ZNF680: variants seen among roughly 807,000 people sequenced by gnomAD.
ZNF680 encodes the protein zinc finger protein 680.
A neutral mutation model predicts 12.1 loss-of-function variants in ZNF680; 6 were observed. The observed-to-expected ratio is 0.49, with a 90% CI of 0.27 to 0.98. ZNF680 has a LOEUF of 0.98. ZNF680 is among the 50% of genes least tolerant of loss of function. ZNF680 has a pLI of 0.12. For synonymous variants in ZNF680, 170 were observed against 199.3 expected, an observed-to-expected ratio of 0.85 and a Z score of 1.24; for missense variants, 561 against 616.3, an observed-to-expected ratio of 0.91 and a Z score of 0.95.
chr7:64,521,083 T>A lies in ZNF680; in HGVS notation c.*78A>T, dbSNP rs577738223. 11 of 1,410,454 alleles carry A rather than the reference T, an allele frequency of 7.8e-6. No homozygotes were observed. The South Asian group carries it at 1.4e-4, about 18-fold the overall frequency. The allele number at this position is 1,410,454 out of a possible 1,614,324, so 87.4% of individuals were successfully genotyped here. A position where few individuals can be genotyped will look rare whatever the true frequency, so the allele number is the denominator to read the frequency against. On this transcript the variant is annotated 3_prime_UTR_variant, in exon 4 of 4. Coordinates refer to ENST00000309683, the MANE Select transcript of ZNF680 (RefSeq NM_178558.5). The stretch of plus-strand genomic sequence containing the variant: ...TCTTACCTACAAGCAAGTGTAACAA[T>A]CATTGGAAGGCTTTGTCAAATTCTT...
downstream of ZNF680, among the ~76,000 whole-genome samples, chr7:64,519,293 C>T (rs1791419340): frequency 6.6e-6 from 1 of 151,630 alleles, no homozygotes; most frequent in South Asian, 2.1e-4. Flanking sequence ...AATATGATAC[C>T]ACCTCACTCC....
intron 3 of ZNF680, among the ~76,000 whole-genome samples, chr7:64,539,267 G>C (rs1157725155): frequency 7.1e-6 from 1 of 141,838 alleles, no homozygotes; most frequent in Non-Finnish European, 1.5e-5. Flanking sequence ...TGAGGGAGGA[G>C]AATTGTTTGA....
In ZNF680 at chr7:64,522,438, T is replaced by C; in HGVS notation, c.316A>G (p.Lys106Glu). The change falls in exon 4 of 4, where the codon AAA becomes GAA. Residue 106 changes from lysine (K) to glutamate (E), a missense_variant. Transcript: ENST00000309683. ...PEHSIKDSFQ[K>E]VILRGYGKCG... ...TTTCCATATCCTCTCAGTATCACTT[T>C]TTGAAAAGAATCTTTTATGCTATGC... 1 of 1,600,344 alleles carries C rather than the reference T, an allele frequency of 6.2e-7. No homozygotes were observed. The highest frequency in any genetic ancestry group is 8.5e-7 in the Non-Finnish European group (1 of 1,174,864).
At chr7:64,514,684 A>G in the ZNF680 span, among the ~76,000 whole-genome samples, 2 of 152,196 alleles carry the variant, frequency 1.3e-5, no homozygotes, top group Non-Finnish European at 2.9e-5. Context: ...CAAGCAAAAC[A>G]AAAGTTAACA....
At chr7:64,515,519 C>T (rs1345115328), downstream of ZNF680, among the ~76,000 whole-genome samples, 3 of 152,052 alleles carry the variant, frequency 2.0e-5, no homozygotes, top group Admixed American at 1.3e-4. Flanking sequence ...TGAAAAGTCC[C>T]CAGCCCATGA....
chr7:64,501,997 C>CTTTTTTTTTT, the ZNF680 span, among the ~76,000 whole-genome samples: 9 of 104,508 alleles, frequency 8.6e-5, 1 homozygote, highest in African/African-American at 1.5e-4. Context: ...GGACGTATTT[C>CTTTTTTTTTT]TTTTTTTTTT....
At chr7:64,508,147 A>ATACAT in the ZNF680 span, among the ~76,000 whole-genome samples, 1 of 135,390 alleles carries the variant, frequency 7.4e-6, no homozygotes, top group Non-Finnish European at 1.5e-5. Context: ...ATATATACAT[A>ATACAT]ATTTTTTTTT....
intron 1 of ZNF680, among the ~76,000 whole-genome samples, chr7:64,548,850 C>T (rs1303504195): frequency 1.3e-5 from 2 of 152,002 alleles, no homozygotes; most frequent in Non-Finnish European, 2.9e-5. Flanking sequence ...TGGCCGGGCG[C>T]GGTGGCTCAT....
intron 3 of ZNF680, among the ~76,000 whole-genome samples, chr7:64,541,323 G>C (rs1038052215): frequency 6.6e-6 from 1 of 152,178 alleles, no homozygotes; most frequent in Non-Finnish European, 1.5e-5. Context: ...AAAATGTATA[G>C]GGAGAGTGAC....
chr7:64,521,876 G>T lies in ZNF680; in HGVS notation c.878C>A (p.Pro293His), dbSNP rs757072567. 3 of 1,613,270 alleles carry T rather than the reference G, an allele frequency of 1.9e-6. No homozygotes were observed. Among genetic ancestry groups the T allele is most frequent in the Admixed American group, 1.7e-5 (1 of 59,952 alleles). ...KHKIIHTGDK[P>H]YKCDECHKAF... is the part of the protein sequence containing the mutation. ...TTTGTGACATTCATCACATTTGTAA[G>T]GTTTGTCTCCAGTATGAATTATCTT... Residue 293 changes from proline (P) to histidine (H), a missense_variant, in exon 4 of 4, where the codon CCT (proline) becomes CAT (histidine). Physicochemically the swap from Pro to His is moderately conservative, Grantham distance 77 (BLOSUM62 -2). Transcript: ENST00000309683.
chr7:64,551,503 A>C (rs1787074783), intron 1 of ZNF680: 1 of 160,172 alleles, frequency 6.2e-6, no homozygotes, highest in Admixed American at 6.5e-5. Context: ...CACATCAGAG[A>C]GTGAAGCCTG....
intron 3 of ZNF680, among the ~76,000 whole-genome samples, chr7:64,541,382 C>A (rs1187419282): frequency 6.6e-6 from 1 of 152,034 alleles, no homozygotes; most frequent in African/African-American, 2.4e-5. Context: ...TATCATCCCA[C>A]AGCAAGAAAA....
the ZNF680 span, among the ~76,000 whole-genome samples, chr7:64,504,670 C>T: frequency 2.0e-5 from 3 of 152,164 alleles, no homozygotes; most frequent in African/African-American, 7.2e-5. Context: ...CTGAGTCACT[C>T]AGAAAAAACT....
chr7:64,513,968 A>G, the ZNF680 span, among the ~76,000 whole-genome samples: 3 of 152,178 alleles, frequency 2.0e-5, no homozygotes, highest in African/African-American at 4.8e-5. Flanking sequence ...TGTAATAATA[A>G]GAGCTAGTAA....
intron 3 of ZNF680, among the ~76,000 whole-genome samples, chr7:64,535,696 C>A (rs1250963352): frequency 1.3e-5 from 2 of 152,042 alleles, no homozygotes; most frequent in East Asian, 1.9e-4. Flanking sequence ...GTAATCCCAG[C>A]ACTTTGGGAG....
chr7:64,529,265 C>G (rs1376871482), intron 3 of ZNF680, among the ~76,000 whole-genome samples: 2 of 152,154 alleles, frequency 1.3e-5, no homozygotes, highest in African/African-American at 4.8e-5. Context: ...TTTAACGCCC[C>G]CAAATTATCA....
At chr7:64,546,782 C>A (rs1786809728) in intron 1 of ZNF680, among the ~76,000 whole-genome samples, 2 of 152,068 alleles carry the variant, frequency 1.3e-5, no homozygotes, top group Non-Finnish European at 2.9e-5. Context: ...CAGGTGCCCT[C>A]CCCAGGCACA....
chr7:64,546,248 T>C (rs1473155252), intron 1 of ZNF680, among the ~76,000 whole-genome samples: 2 of 152,180 alleles, frequency 1.3e-5, no homozygotes, highest in Admixed American at 1.3e-4. Context: ...TTTTTGGAAT[T>C]CCTTCTCAGA....
chr7:64,510,628 C>T, the ZNF680 span, among the ~76,000 whole-genome samples: 4 of 151,684 alleles, frequency 2.6e-5, no homozygotes, highest in African/African-American at 4.8e-5. Context: ...TATAAAATAT[C>T]GGCCGGGCGC....
Sources: allele counts gnomAD v4.1 joint callset (sites outside exome capture counted in the v4.1 genomes callset), GRCh38; gene constraint gnomAD v4.1.1; transcripts MANE v1.5; gene names NCBI Gene and HGNC (gene_info 2026-07-23, HGNC 2026-07-21).